YES1: variants seen among roughly 807,000 people sequenced by gnomAD.
YES1 encodes the protein tyrosine-protein kinase Yes.
In YES1, 39 loss-of-function variants were observed where a neutral mutation model predicts 70.4. That is an observed-to-expected ratio of 0.55 (90% CI 0.43 to 0.72). The LOEUF (loss-of-function observed/expected upper bound fraction) is 0.72. YES1 is among the 30% of genes least tolerant of loss of function. YES1 has a pLI of 0.00. For missense variants in YES1, 495 were observed against 644.8 expected (o/e 0.77, Z 2.52); for synonymous variants, 198 against 218.6 (o/e 0.91, Z 0.83).
intron 11 of YES1, among the ~76,000 whole-genome samples, chr18:726,153 C>T (rs1046429597): frequency 6.6e-6 from 1 of 152,094 alleles, no homozygotes; most frequent in African/African-American, 2.4e-5. Context: ...AGGCCGGGTG[C>T]GGTGGCTCAT....
chr18:728,462 G>A (rs112440143), intron 11 of YES1, among the ~76,000 whole-genome samples: 2,556 of 152,132 alleles, frequency 0.017, 83 homozygotes, highest in African/African-American at 0.059. Context: ...ACATGAGGAC[G>A]GGTGTGGAAT....
At chr18:751,538 G>C (rs948137591) in intron 3 of YES1, among the ~76,000 whole-genome samples, 167 bp downstream of exon 3, 1 of 152,168 alleles carries the variant, frequency 6.6e-6, no homozygotes, top group Admixed American at 6.5e-5. Flanking sequence ...TCTGGCTACA[G>C]CAGCAGTGTT....
At chr18:790,499 GTA>G (rs1906190995) in intron 1 of YES1, among the ~76,000 whole-genome samples, 1 of 151,982 alleles carries the variant, frequency 6.6e-6, no homozygotes, top group African/African-American at 2.4e-5. Context: ...AAAAAATCTA[GTA>G]TAGTTTACAA....
At position 783,892 on chromosome 18, in the gene YES1, G is replaced by A. The variant is rs528960204; in HGVS notation, c.-8-27057C>T. Among the ~76,000 whole-genome samples, 20 of 152,282 alleles carry A rather than the reference G, an allele frequency of 1.3e-4. 1 individual carries two copies. Among genetic ancestry groups the A allele is most frequent in the South Asian group, 1.0e-3 (5 of 4,826 alleles). ...GCCTCCCAAAGTGCTGGGATTACAG[G>A]TGTGAACCACCGCACCTAGCTCATT... On this transcript the variant is annotated intron_variant, in intron 1 of 11. Coordinates refer to ENST00000314574, the MANE Select transcript of YES1 (RefSeq NM_005433.4).
At chr18:742,420 A>T (rs1034532955) in intron 8 of YES1, among the ~76,000 whole-genome samples, 3 of 150,932 alleles carry the variant, frequency 2.0e-5, no homozygotes, top group African/African-American at 7.3e-5. Flanking sequence ...GGAGTTCAAG[A>T]CCAGCCTGGG....
At chr18:747,853 A>G in intron 4 of YES1, 67 bp downstream of exon 4, 1 of 1,435,266 alleles carries the variant, frequency 7.0e-7, no homozygotes, top group Non-Finnish European at 9.7e-7. Flanking sequence ...AGTTGTGGCT[A>G]AGTAGAATGT....
At chr18:800,674 CAGTGGCAAAAG>C (rs1906774635) in intron 1 of YES1, among the ~76,000 whole-genome samples, 2 of 152,332 alleles carry the variant, frequency 1.3e-5, no homozygotes, top group African/African-American at 4.8e-5. Context: ...GAACTTGACA[CAGTGGCAAAAG>C]AGTGGCAAAT....
At position 722,898 on chromosome 18, in the gene YES1, C is replaced by T. The variant is rs1024016518; in HGVS notation, c.*1526G>A. ...ACAAGGTCAGGAGATCGAGACTATC[C>T]TGGCTAACACGGTGAAACTGCGTCT... is the stretch of plus-strand genomic sequence containing the variant. On this transcript the variant is annotated 3_prime_UTR_variant, in exon 12 of 12. Transcript: ENST00000314574. 3 of 152,188 alleles carry T rather than the reference C, an allele frequency of 2.0e-5. No homozygotes were observed. Among genetic ancestry groups the T allele is most frequent in the East Asian group, 3.8e-4 (2 of 5,200 alleles). The allele number at this position is 152,188 out of a possible 1,614,324, so 9.4% of individuals were successfully genotyped here.
chr18:740,050 C>G (rs2080199644), intron 8 of YES1, among the ~76,000 whole-genome samples: 1 of 152,142 alleles, frequency 6.6e-6, no homozygotes, highest in African/African-American at 2.4e-5. Flanking sequence ...CTTTACCTGA[C>G]AAGAGGCATT....
intron 11 of YES1, among the ~76,000 whole-genome samples, chr18:729,220 G>A (rs1161824726): frequency 6.6e-6 from 1 of 152,026 alleles, no homozygotes; most frequent in African/African-American, 2.4e-5. Context: ...CATCTAGTGA[G>A]TACTTAATTT....
At chr18:794,972 T>C (rs1034326598) in intron 1 of YES1, among the ~76,000 whole-genome samples, 1 of 152,134 alleles carries the variant, frequency 6.6e-6, no homozygotes, top group South Asian at 2.1e-4. Context: ...CGTGCCACCA[T>C]GCCTGGCTAA....
intron 1 of YES1, among the ~76,000 whole-genome samples, chr18:807,642 C>T (rs1907165729): frequency 6.6e-6 from 1 of 152,128 alleles, no homozygotes; most frequent in African/African-American, 2.4e-5. Context: ...TAGCTGATAA[C>T]GTATTTGCAA....
At chr18:786,924 A>G (rs1435731580) in intron 1 of YES1, among the ~76,000 whole-genome samples, 2 of 152,110 alleles carry the variant, frequency 1.3e-5, no homozygotes, top group African/African-American at 2.4e-5. Context: ...CTAAGCCTGT[A>G]TTCCCTCTAG....
chr18:811,559 T>C (rs1907380620), intron 1 of YES1, among the ~76,000 whole-genome samples: 1 of 152,004 alleles, frequency 6.6e-6, no homozygotes, highest in Non-Finnish European at 1.5e-5. Flanking sequence ...GAATGGTAAA[T>C]TTCCCAACCC....
In YES1 at chr18:785,623, AAC is replaced by A. The variant is rs139011999; in HGVS notation, c.-9+26489_-9+26490del. Among the ~76,000 whole-genome samples, 641 of 152,264 alleles carry A rather than the reference AAC, an allele frequency of 4.2e-3. 3 individuals are homozygous for A. The highest frequency in any genetic ancestry group is 0.015 in the African/African-American group (612 of 41,546). ...GTGTTGGAAGCTTAATCCACAATGCAACAGTGTTGAGAGGTGGGATCTTTAAG... is the reference window on the plus strand; with the variant it reads ...GTGTTGGAAGCTTAATCCACAATGCAAGTGTTGAGAGGTGGGATCTTTAAG... On this transcript the variant is annotated intron_variant, in intron 1 of 11. Coordinates refer to ENST00000314574, the MANE Select transcript of YES1 (RefSeq NM_005433.4).
chr18:775,457 T>C (rs1186562814), intron 1 of YES1, among the ~76,000 whole-genome samples: 1 of 152,168 alleles, frequency 6.6e-6, no homozygotes, highest in African/African-American at 2.4e-5. Context: ...TTACCTTGAC[T>C]TCTAACATTA....
chr18:724,278 G>A lies in YES1; in HGVS notation c.*146C>T. ...GTTTAATACTTGGGGAAAAAAAAGT[G>A]GTTTTGTGCAACCATATCTGGGATT... is the stretch of plus-strand genomic sequence containing the variant. On this transcript the variant is annotated 3_prime_UTR_variant, in exon 12 of 12. Coordinates refer to ENST00000314574, the MANE Select transcript of YES1 (RefSeq NM_005433.4). The A allele has an allele frequency of 1.4e-6, 1 of 723,134 alleles. No homozygotes were observed. The highest frequency in any genetic ancestry group is 2.2e-6 in the Non-Finnish European group (1 of 444,990). The allele number at this position is 723,134 out of a possible 1,614,324, so 44.8% of individuals were successfully genotyped here. A position where few individuals can be genotyped will look rare whatever the true frequency, so the allele number is the denominator to read the frequency against.
At chr18:729,714 C>T (rs1228967565) in intron 11 of YES1, among the ~76,000 whole-genome samples, 1 of 149,536 alleles carries the variant, frequency 6.7e-6, no homozygotes, top group African/African-American at 2.5e-5. Context: ...GCAACCTCCA[C>T]CTCCTGGGTT....
chr18:743,383 T>C lies in YES1; in HGVS notation c.757A>G (p.Thr253Ala), dbSNP rs746141725. The C allele has an allele frequency of 4.3e-6, 7 of 1,612,840 alleles. No homozygotes were observed. Among genetic ancestry groups the C allele is most frequent in the African/African-American group, 4.0e-5 (3 of 74,904 alleles). ...HADGLCHKLT[T>A]VCPTVKPQTQ... is the part of the protein sequence containing the mutation. Reference sequence around the variant, plus strand: ...TGAGGTTTCACAGTTGGACACACAGTTGTCAACTTGTGGCATAAACCATCA... The same window carrying C: ...TGAGGTTTCACAGTTGGACACACAGCTGTCAACTTGTGGCATAAACCATCA... Residue 253 changes from threonine (T) to alanine (A), a missense_variant, in exon 7 of 12, where the codon ACT (threonine) becomes GCT (alanine). This residue lies in a region of YES1 where 385 missense variants were observed against 540.9 expected (regional missense o/e 0.71). Transcript: ENST00000314574.
Sources: allele counts gnomAD v4.1 joint callset (sites outside exome capture counted in the v4.1 genomes callset), GRCh38; gene constraint gnomAD v4.1.1; regional missense constraint gnomAD v4.1.1; transcripts MANE v1.5; gene names NCBI Gene and HGNC (gene_info 2026-07-23, HGNC 2026-07-21).